Variants in NXPE2 observed in about 807,000 individuals in gnomAD.
NXPE2 encodes neurexophilin and PC-esterase domain family member 2, also known as NXPE family member 2.
In NXPE2, 34 loss-of-function variants were observed where a neutral mutation model predicts 34.4. That is an observed-to-expected ratio of 0.99 (90% CI 0.75 to 1.31). The LOEUF is 1.31. Among genes scored for constraint, NXPE2 ranks in the 40% most tolerant of loss-of-function variants. The pLI is 0.00. For missense variants in NXPE2, 649 were observed against 672.5 expected (o/e 0.97, Z 0.39); for synonymous variants, 235 against 231.3 (o/e 1.02, Z -0.15).
chr11:114,716,541 T>C, the NXPE2 span, among the ~76,000 whole-genome samples: 1 of 152,224 alleles, frequency 6.6e-6, no homozygotes, highest in Non-Finnish European at 1.5e-5. Context: ...TGGTGGGACC[T>C]GGGCAGAGAA....
chr11:114,778,944 C>G, the NXPE2 span, among the ~76,000 whole-genome samples: 1 of 152,172 alleles, frequency 6.6e-6, no homozygotes, highest in African/African-American at 2.4e-5. Context: ...CTTAATTGAA[C>G]CTAGGACATA....
chr11:114,526,227 G>C, the NXPE2 span, among the ~76,000 whole-genome samples: 3 of 152,142 alleles, frequency 2.0e-5, no homozygotes, highest in Non-Finnish European at 4.4e-5. Context: ...GCTCTACCTT[G>C]GGATTAGCTC....
At chr11:114,596,200 C>T in the NXPE2 span, among the ~76,000 whole-genome samples, 1 of 152,172 alleles carries the variant, frequency 6.6e-6, no homozygotes, top group African/African-American at 2.4e-5. Flanking sequence ...ACTAAAAGAA[C>T]TTCAAATATA....
At position 114,688,652 on chromosome 11, in the gene NXPE2, G is replaced by A. The variant is rs575763029; in HGVS notation, c.132+8890G>A. ...TCCTTGATTTTTTGGAATAGTTTCAGTAGGATTGGTACCACTCTTCTTTGT... is the reference window on the plus strand; with the variant it reads ...TCCTTGATTTTTTGGAATAGTTTCAATAGGATTGGTACCACTCTTCTTTGT... On this transcript the variant is annotated intron_variant, in intron 2 of 5. Transcript: ENST00000389586. Among the ~76,000 whole-genome samples, 94 of 152,186 alleles carry A rather than the reference G, an allele frequency of 6.2e-4. 2 individuals are homozygous for A. In the South Asian group the frequency reaches 0.017, roughly 28 times the overall value.
At chr11:114,568,484 T>C in the NXPE2 span, among the ~76,000 whole-genome samples, 2 of 142,498 alleles carry the variant, frequency 1.4e-5, no homozygotes, top group Admixed American at 7.0e-5. Flanking sequence ...CCTCCCTTTA[T>C]TTCCCCCTCT....
the NXPE2 span, among the ~76,000 whole-genome samples, chr11:114,595,028 AG>A: frequency 1.5e-3 from 224 of 152,256 alleles, 1 homozygote; most frequent in African/African-American, 5.2e-3. Flanking sequence ...GAGCAGCTTA[AG>A]GGCCTGAAGG....
At chr11:114,570,723 G>C in the NXPE2 span, 1 of 442,672 alleles carries the variant, frequency 2.3e-6, no homozygotes, top group Non-Finnish European at 4.0e-6. Flanking sequence ...AGAAGGGTAG[G>C]CTCTTTTCAT....
At chr11:114,725,992 T>TATAA in the NXPE2 span, among the ~76,000 whole-genome samples, 5 of 140,032 alleles carry the variant, frequency 3.6e-5, no homozygotes, top group South Asian at 4.4e-4. Flanking sequence ...TATATATATA[T>TATAA]AAAAAGAAAA....
the NXPE2 span, among the ~76,000 whole-genome samples, chr11:114,590,804 C>T: frequency 6.6e-6 from 1 of 152,126 alleles, no homozygotes; most frequent in Non-Finnish European, 1.5e-5. Context: ...ATCAAATTAA[C>T]CCTGGGAAAT....
chr11:114,763,961 T>C, the NXPE2 span, among the ~76,000 whole-genome samples: 12 of 152,234 alleles, frequency 7.9e-5, no homozygotes, highest in East Asian at 2.3e-3. Flanking sequence ...CTATGCACCA[T>C]TCATCTTGCT....
chr11:114,572,995 T>C, the NXPE2 span, among the ~76,000 whole-genome samples: 2 of 152,280 alleles, frequency 1.3e-5, no homozygotes, highest in South Asian at 2.1e-4. Context: ...AGAAAACTTA[T>C]CAGATTAACA....
the NXPE2 span, among the ~76,000 whole-genome samples, chr11:114,598,118 A>G: frequency 3.3e-5 from 5 of 152,158 alleles, no homozygotes; most frequent in African/African-American, 7.2e-5. Flanking sequence ...AAAAGGGAAA[A>G]ATTGGCAGAA....
chr11:114,642,105 C>T, the NXPE2 span, among the ~76,000 whole-genome samples: 3 of 151,982 alleles, frequency 2.0e-5, no homozygotes, highest in South Asian at 2.1e-4. Flanking sequence ...AAAAGGCTGG[C>T]AAACACTACC....
At chr11:114,734,549 G>A in the NXPE2 span, among the ~76,000 whole-genome samples, 4 of 152,016 alleles carry the variant, frequency 2.6e-5, no homozygotes, top group African/African-American at 9.7e-5. Context: ...CCAGGTGTAT[G>A]GCTAATAATT....
the NXPE2 span, among the ~76,000 whole-genome samples, chr11:114,524,549 A>G: frequency 1.3e-5 from 2 of 152,162 alleles, no homozygotes; most frequent in African/African-American, 4.8e-5. Context: ...TCCTATAATT[A>G]TGTTGGAATT....
intron 2 of NXPE2, among the ~76,000 whole-genome samples, chr11:114,687,800 T>A (rs762884334): frequency 2.0e-5 from 3 of 152,066 alleles, no homozygotes; most frequent in African/African-American, 7.2e-5. Context: ...GTTCCCCTTG[T>A]AGAGATCTTT....
At chr11:114,467,084 A>G in the NXPE2 span, among the ~76,000 whole-genome samples, 4 of 152,226 alleles carry the variant, frequency 2.6e-5, no homozygotes, top group Non-Finnish European at 5.9e-5. Context: ...GACTCCTTGC[A>G]AAATTTTATC....
At chr11:114,536,340 A>G in the NXPE2 span, among the ~76,000 whole-genome samples, 7 of 152,234 alleles carry the variant, frequency 4.6e-5, no homozygotes, top group East Asian at 1.3e-3. Flanking sequence ...GGAAAGATGA[A>G]AAATTGACAC....
chr11:114,698,419 C>G lies in NXPE2; in HGVS notation c.507C>G (p.Asp169Glu). 6.2e-7 allele frequency: 1 copy of G among 1,613,962 alleles called. No individual in the cohort carries two copies. Among genetic ancestry groups the G allele is most frequent in the East Asian group, 2.2e-5 (1 of 44,878 alleles). The change falls in exon 3 of 6, where the codon GAC (aspartate) becomes GAG (glutamate). Residue 169 changes from aspartate (D) to glutamate (E), a missense_variant. By Grantham distance (45) the Asp-to-Glu change is conservative (BLOSUM62 2). Transcript: ENST00000389586. ...CAGGTGCTTCAGGAAAGGTGACTGA[C>G]TTCAACAACGGCACCTACCTGGTCA... Reference protein sequence around the residue: ...LMAGASGKVTDFNNGTYLVSF... With the variant: ...LMAGASGKVTEFNNGTYLVSF...
Sources: allele counts gnomAD v4.1 joint callset (sites outside exome capture counted in the v4.1 genomes callset), GRCh38; gene constraint gnomAD v4.1.1; transcripts MANE v1.5; gene names NCBI Gene and HGNC (gene_info 2026-07-23, HGNC 2026-07-21).